The following ZFAT variants were observed in gnomAD, a reference collection of about 807,000 sequenced individuals.
The protein encoded by ZFAT is zinc finger and AT-hook domain containing.
In ZFAT, 64 loss-of-function variants were observed where a neutral mutation model predicts 117.7. The ratio of observed to expected loss-of-function variants is 0.54; its 90% confidence interval spans 0.44 to 0.67. The LOEUF is 0.67. Among genes scored for constraint, ZFAT ranks in the 30% least tolerant of loss-of-function variants. The pLI, the probability that ZFAT is intolerant of heterozygous loss-of-function variation, is 0.00. For synonymous variants in ZFAT, 679 were observed against 615.0 expected (o/e 1.10, Z -1.54); for missense variants, 1,433 against 1,584.5 (o/e 0.90, Z 1.62).
chr8:134,541,021 C>G (rs1182944914), intron 11 of ZFAT, among the ~76,000 whole-genome samples: 1 of 152,186 alleles, frequency 6.6e-6, no homozygotes, highest in Non-Finnish European at 1.5e-5. Context: ...GTAGGCCCAG[C>G]AGGACTCCGG....
intron 15 of ZFAT, among the ~76,000 whole-genome samples, chr8:134,486,914 G>A (rs1817694083): frequency 6.6e-6 from 1 of 152,166 alleles, no homozygotes; most frequent in African/African-American, 2.4e-5. Context: ...CTGTGTGCAG[G>A]AACATGGGTG....
At chr8:134,755,085 A>T in the ZFAT span, among the ~76,000 whole-genome samples, 1 of 151,872 alleles carries the variant, frequency 6.6e-6, no homozygotes, top group Non-Finnish European at 1.5e-5. Context: ...AGTGTGAGGG[A>T]TTTTTGCTTT....
At chr8:134,776,802 C>T in the ZFAT span, among the ~76,000 whole-genome samples, 1 of 152,298 alleles carries the variant, frequency 6.6e-6, no homozygotes, top group East Asian at 1.9e-4. Context: ...TGTGTTTTCC[C>T]ACACCCATTT....
At chr8:134,574,031 C>T (rs1479854147) in intron 10 of ZFAT, among the ~76,000 whole-genome samples, 1 of 152,234 alleles carries the variant, frequency 6.6e-6, no homozygotes, top group African/African-American at 2.4e-5. Flanking sequence ...AAAGAAGAAA[C>T]AGGAATACTT....
At chr8:134,816,620 A>G in the ZFAT span, among the ~76,000 whole-genome samples, 7 of 152,214 alleles carry the variant, frequency 4.6e-5, no homozygotes, top group African/African-American at 1.7e-4. Context: ...GAGTTTAATA[A>G]TGAAAAGAAG....
At chr8:134,731,520 T>C in the ZFAT span, among the ~76,000 whole-genome samples, 2 of 152,184 alleles carry the variant, frequency 1.3e-5, no homozygotes, top group Admixed American at 6.5e-5. Flanking sequence ...AAAGCAGCCA[T>C]AGACATAGAC....
intron 2 of ZFAT, among the ~76,000 whole-genome samples, chr8:134,642,507 T>C (rs1830641803): frequency 6.6e-6 from 1 of 152,238 alleles, no homozygotes; most frequent in Non-Finnish European, 1.5e-5. Flanking sequence ...ATTAAGATTC[T>C]GACTTAGAAT....
At chr8:134,559,331 T>C (rs1274617732) in intron 11 of ZFAT, among the ~76,000 whole-genome samples, 1 of 152,204 alleles carries the variant, frequency 6.6e-6, no homozygotes, top group East Asian at 1.9e-4. Flanking sequence ...TTTTTAATCT[T>C]ACTTTTTGCC....
At chr8:134,632,455 TC>T (rs1829951943) in intron 3 of ZFAT, among the ~76,000 whole-genome samples, 1 of 152,176 alleles carries the variant, frequency 6.6e-6, no homozygotes. Flanking sequence ...GTGCCCTTAA[TC>T]CCCACCTTGT....
chr8:134,548,351 G>A (rs1387555037), intron 11 of ZFAT, among the ~76,000 whole-genome samples: 1 of 152,186 alleles, frequency 6.6e-6, no homozygotes, highest in Non-Finnish European at 1.5e-5. Context: ...GTGGCTACCT[G>A]GGAGAAAAGC....
intron 2 of ZFAT, among the ~76,000 whole-genome samples, chr8:134,648,475 G>A (rs1350981933): frequency 2.0e-5 from 3 of 151,874 alleles, no homozygotes; most frequent in Non-Finnish European, 4.4e-5. Flanking sequence ...ATGAAAGGGA[G>A]AACATTACCA....
At chr8:134,651,010 C>T (rs1314196170) in intron 2 of ZFAT, among the ~76,000 whole-genome samples, 1 of 152,152 alleles carries the variant, frequency 6.6e-6, no homozygotes, top group East Asian at 1.9e-4. Context: ...TGGGTACAAA[C>T]CAAAATGTGA....
chr8:134,819,285 A>C, the ZFAT span, among the ~76,000 whole-genome samples: 1 of 151,090 alleles, frequency 6.6e-6, no homozygotes, highest in Non-Finnish European at 1.5e-5. Flanking sequence ...AAAAAAGGAA[A>C]AAAAAGAATG....
At chr8:134,746,018 C>A in the ZFAT span, among the ~76,000 whole-genome samples, 1 of 152,122 alleles carries the variant, frequency 6.6e-6, no homozygotes, top group Non-Finnish European at 1.5e-5. Flanking sequence ...TGGGACTCTG[C>A]CTAATACTTT....
the ZFAT span, among the ~76,000 whole-genome samples, chr8:134,752,877 C>A: frequency 1.1e-4 from 16 of 152,246 alleles, 1 homozygote; most frequent in Middle Eastern, 0.01. Flanking sequence ...CTCCACAAGG[C>A]CCCATCTCCA....
intron 3 of ZFAT, among the ~76,000 whole-genome samples, chr8:134,624,263 A>G (rs992784108): frequency 1.3e-5 from 2 of 152,040 alleles, no homozygotes; most frequent in Non-Finnish European, 2.9e-5. Flanking sequence ...AGAAAAACAA[A>G]GCCCATTTGA....
rs1348444520 is a variant in ZFAT, at chr8:134,569,695, G to GC, written c.2888-4275dup. Among the ~76,000 whole-genome samples the GC allele has an allele frequency of 6.6e-5, 10 of 152,246 alleles. No individual in the cohort carries two copies. In the East Asian group the frequency reaches 1.4e-3, roughly 21 times the overall value. ...TGGGCCTGCAAGCATCTGAAAAGCA[G>GC]CCCCCTGAAGGATGAGGCTGCGGGT... On this transcript the variant is annotated intron_variant, in intron 10 of 15. Transcript: ENST00000377838.
the ZFAT span, chr8:134,766,397 T>G: frequency 5.9e-5 from 9 of 152,310 alleles, no homozygotes; most frequent in South Asian, 1.9e-3. Context: ...TTTACAAAAG[T>G]AGAGAAAACA....
intron 1 of ZFAT, among the ~76,000 whole-genome samples, chr8:134,702,283 A>G (rs1473140794): frequency 6.6e-6 from 1 of 152,238 alleles, no homozygotes; most frequent in Non-Finnish European, 1.5e-5. Context: ...TAAAGCTGCT[A>G]TGAACATGTG....
Sources: allele counts gnomAD v4.1 joint callset (sites outside exome capture counted in the v4.1 genomes callset), GRCh38; gene constraint gnomAD v4.1.1; transcripts MANE v1.5; gene names NCBI Gene and HGNC (gene_info 2026-07-23, HGNC 2026-07-21).